ROS1: variants seen among roughly 807,000 people sequenced by gnomAD.
The protein encoded by ROS1 is ROS proto-oncogene 1, receptor tyrosine kinase.
A neutral mutation model predicts 273.5 loss-of-function variants in ROS1; 263 were observed. The observed-to-expected ratio is 0.96, with a 90% CI of 0.87 to 1.06. The LOEUF (loss-of-function observed/expected upper bound fraction) is 1.06, where lower values mean the gene tolerates loss of function less well. Ranked by LOEUF, ROS1 falls within the 50% of genes least tolerant of loss-of-function variation. The pLI is 0.00. For synonymous variants in ROS1, 1,008 were observed against 954.1 expected (o/e 1.06, Z -1.04); for missense variants, 2,833 against 2,751.1 (o/e 1.03, Z -0.67).
chr6:117,418,131 C>G (rs1242120532), intron 2 of ROS1, among the ~76,000 whole-genome samples: 1 of 152,100 alleles, frequency 6.6e-6, no homozygotes, highest in African/African-American at 2.4e-5. Context: ...AGTAATAAAA[C>G]CATAAAATGT....
chr6:117,366,390 G>A (rs573737915), intron 18 of ROS1, 100 bp from the exon 19 acceptor site: 183 of 762,976 alleles, frequency 2.4e-4, no homozygotes, highest in Middle Eastern at 1.8e-3. Context: ...GTATCTGTAC[G>A]CATTTGTGTA....
chr6:117,372,086 G>A (rs188924907), intron 18 of ROS1, among the ~76,000 whole-genome samples: 17 of 152,238 alleles, frequency 1.1e-4, no homozygotes, highest in Non-Finnish European at 2.2e-4. Flanking sequence ...AGGCATAGAA[G>A]GGGCATATCT....
chr6:117,323,336 T>C (rs932694732), intron 35 of ROS1, among the ~76,000 whole-genome samples: 4 of 152,174 alleles, frequency 2.6e-5, no homozygotes, highest in South Asian at 2.1e-4. Flanking sequence ...CACAGTAAAG[T>C]GTTGGCTGTC....
chr6:117,393,455 A>G, intron 11 of ROS1, 134 bp from the exon 12 acceptor site: 1 of 594,470 alleles, frequency 1.7e-6, no homozygotes, highest in South Asian at 2.4e-5. Flanking sequence ...ACAAATGAGC[A>G]AAAAAAAGCC....
intron 1 of ROS1, among the ~76,000 whole-genome samples, chr6:117,419,309 T>C (rs72969434): frequency 0.12 from 18,981 of 152,184 alleles, 1,296 homozygotes; most frequent in African/African-American, 0.16. Flanking sequence ...TGGTTTCCCA[T>C]GTAAGGATGC....
intron 42 of ROS1, among the ~76,000 whole-genome samples, chr6:117,306,355 G>T (rs1775102799): frequency 6.6e-6 from 1 of 152,052 alleles, no homozygotes; most frequent in African/African-American, 2.4e-5. Flanking sequence ...ACACCTGAGG[G>T]ACTCTCCAGT....
Position 117,301,070 on chromosome 6 carries a change from C to A in ROS1, c.6619G>T (p.Asp2207Tyr), listed in dbSNP as rs529038. The A allele has an allele frequency of 6.2e-7, 1 of 1,602,784 alleles. No homozygotes were observed. The highest frequency in any genetic ancestry group is 8.5e-7 in the Non-Finnish European group (1 of 1,174,786). Residue 2207 changes from aspartate to tyrosine, a missense_variant, in exon 43 of 44, where the codon GAC becomes TAC. Coordinates refer to ENST00000368507, the MANE Select transcript of ROS1 (RefSeq NM_001378902.1). ...AAATTTCTGAATAACTGAAGTTGGT[C>A]CTGAATTCTATGAAAAGTAGGTCTT... ...DQRPTFHRIQDQLQLFRNFFL... is the reference protein window; with the variant it reads ...DQRPTFHRIQYQLQLFRNFFL...
In ROS1 at chr6:117,389,678, G is replaced by C. The variant is rs550021694; in HGVS notation, c.1458C>G (p.Phe486Leu). Residue 486 changes from phenylalanine to leucine, a missense_variant, in exon 13 of 44, where the codon TTC becomes TTG. Phe to Leu is a conservative substitution (Grantham distance 22). Transcript: ENST00000368507. The stretch of plus-strand genomic sequence containing the variant: ...CAGAGCCATCCAGAAATGTTGACAT[G>C]AAGACTTGGGCAGTGTCATTGAAGT... Reference protein sequence around the residue: ...IIYFNDTAQVFMSTFLDGSAS... With the variant: ...IIYFNDTAQVLMSTFLDGSAS... 1 of 1,614,212 alleles carries C rather than the reference G, an allele frequency of 6.2e-7. No individual in the cohort carries two copies. The highest frequency in any genetic ancestry group is 2.2e-5 in the East Asian group (1 of 44,888).
chr6:117,315,467 CA>C (rs1439096696), intron 39 of ROS1, among the ~76,000 whole-genome samples: 1 of 151,720 alleles, frequency 6.6e-6, no homozygotes, highest in Admixed American at 6.6e-5. Context: ...GGGGAGGAGG[CA>C]AAAAACAGAC....
Position 117,311,130 on chromosome 6 carries a change from A to G in ROS1, c.6118-13T>C. The G allele has an allele frequency of 6.6e-7, 1 of 1,526,174 alleles. No individual in the cohort carries two copies. The highest frequency in any genetic ancestry group is 9.0e-7 in the Non-Finnish European group (1 of 1,109,618). 94.5% of individuals were successfully genotyped at this position (1,526,174 alleles called of 1,614,324 possible). A position where few individuals can be genotyped will look rare whatever the true frequency, so the allele number is the denominator to read the frequency against. On this transcript the variant is annotated splice_polypyrimidine_tract_variant and intron_variant, in intron 39 of 43. Coordinates refer to ENST00000368507, the MANE Select transcript of ROS1 (RefSeq NM_001378902.1). ...AAGGACCATAAAACTGTAAGAAATG[A>G]AAGAAAAATTACAGGTAGTTATCTA...
chr6:117,344,005 T>C, intron 28 of ROS1, 55 bp downstream of exon 28: 2 of 1,466,278 alleles, frequency 1.4e-6, no homozygotes, highest in Non-Finnish European at 1.9e-6. Context: ...CTCATAATTT[T>C]ATATCAAAAA....
At chr6:117,336,334 C>G (rs1777460976) in intron 32 of ROS1, among the ~76,000 whole-genome samples, 2 of 152,084 alleles carry the variant, frequency 1.3e-5, no homozygotes, top group African/African-American at 4.8e-5. Flanking sequence ...CACCCCTCCC[C>G]CTGACAGGCC....
At chr6:117,379,818 C>G (rs146318762) in intron 17 of ROS1, among the ~76,000 whole-genome samples, 41 of 152,246 alleles carry the variant, frequency 2.7e-4, no homozygotes, top group African/African-American at 8.9e-4. Flanking sequence ...AAAACATTCT[C>G]ATACACTTTA....
intron 1 of ROS1, among the ~76,000 whole-genome samples, chr6:117,424,344 T>G (rs1033476321): frequency 3.3e-5 from 5 of 151,772 alleles, no homozygotes; most frequent in Non-Finnish European, 7.4e-5. Context: ...GGAAAAATAC[T>G]AAAAGAAAAT....
At chr6:117,340,003 C>G (rs1475890504) in intron 31 of ROS1, among the ~76,000 whole-genome samples, 1 of 152,104 alleles carries the variant, frequency 6.6e-6, no homozygotes, top group African/African-American at 2.4e-5. Context: ...TCTCTGAAGT[C>G]TTTTCCCATT....
intron 42 of ROS1, among the ~76,000 whole-genome samples, chr6:117,306,997 A>AT (rs1325265440): frequency 5.3e-5 from 8 of 152,176 alleles, no homozygotes; most frequent in Middle Eastern, 3.2e-3. Flanking sequence ...AATAAACTAT[A>AT]TTTTTATTAA....
chr6:117,422,754 C>T (rs1435889184), intron 1 of ROS1, among the ~76,000 whole-genome samples: 1 of 152,068 alleles, frequency 6.6e-6, no homozygotes, highest in African/African-American at 2.4e-5. Context: ...TATAAAAGCA[C>T]ATCATGTTTG....
Position 117,404,442 on chromosome 6 carries a change from A to G in ROS1, c.317-14T>C. The G allele has an allele frequency of 6.2e-7, 1 of 1,612,114 alleles. No individual in the cohort carries two copies. Among genetic ancestry groups the G allele is most frequent in the East Asian group, 2.2e-5 (1 of 44,830 alleles). On this transcript the variant is annotated splice_polypyrimidine_tract_variant and intron_variant, in intron 5 of 43. Coordinates refer to ENST00000368507, the MANE Select transcript of ROS1 (RefSeq NM_001378902.1). ...GGTCTGCATTTTCTGGGGAAAAAAC[A>G]AGATTTCACTCACCACGCACTCCTG...
intron 18 of ROS1, among the ~76,000 whole-genome samples, chr6:117,375,712 A>C (rs1191237043): frequency 3.9e-5 from 6 of 152,208 alleles, no homozygotes; most frequent in African/African-American, 1.2e-4. Context: ...TATCAGACAA[A>C]GGAATCTTTA....
Sources: gnomAD v4.1 joint callset for allele counts (sites outside exome capture counted in the v4.1 genomes callset) on GRCh38, gnomAD v4.1.1 for gene constraint, MANE v1.5 for transcripts, NCBI Gene and HGNC (gene_info 2026-07-23, HGNC 2026-07-21) for gene names.